Variants in LRRC7 observed in about 807,000 individuals in gnomAD.
LRRC7 encodes the protein leucine-rich repeat-containing protein 7.
Under a neutral mutation model 175.7 loss-of-function variants are expected in LRRC7, and 23 were observed. The observed-to-expected ratio is 0.13, with a 90% confidence interval of 0.09 to 0.19. The LOEUF is 0.19. Ranked by LOEUF, LRRC7 falls within the 10% of genes least tolerant of loss-of-function variation. The probability of loss-of-function intolerance (pLI) is 1.00; values close to 1 mark genes in which losing one functional copy is unlikely to be tolerated. For synonymous variants in LRRC7, 685 were observed against 680.9 expected (o/e 1.01, Z -0.09); for missense variants, 1,354 against 1,904.7 (o/e 0.71, Z 5.38).
In LRRC7 at chr1:69,865,453, C is replaced by T. The variant is rs144897914; in HGVS notation, c.647+27170C>T. On this transcript the variant is annotated intron_variant, in intron 7 of 26. Coordinates refer to ENST00000651989, the MANE Select transcript of LRRC7 (RefSeq NM_001370785.2). The stretch of plus-strand genomic sequence containing the variant: ...CCTTGAGAGCATCCGAATAAGCAAG[C>T]TGCTGAAGACAGTTCCTTTTTTTTT... Among the ~76,000 whole-genome samples, 11 of 97,702 alleles carry T rather than the reference C, an allele frequency of 1.1e-4. No homozygotes were observed. The Admixed American group carries it at 1.3e-3, about 11-fold the overall frequency. 64.1% of individuals were successfully genotyped at this position (97,702 alleles called of 152,430 possible).
At chr1:69,630,569 A>T (rs1319540219) in intron 1 of LRRC7, among the ~76,000 whole-genome samples, 2 of 152,072 alleles carry the variant, frequency 1.3e-5, no homozygotes, top group Non-Finnish European at 2.9e-5. Flanking sequence ...ATTTTCTGTC[A>T]ATCATTTTTA....
intron 26 of LRRC7, among the ~76,000 whole-genome samples, chr1:70,115,520 T>C (rs1665794827): frequency 6.6e-6 from 1 of 152,210 alleles, no homozygotes. Flanking sequence ...CAATACTGAT[T>C]TCTCTGGAGC....
At chr1:69,676,253 A>C (rs1659758959) in intron 1 of LRRC7, among the ~76,000 whole-genome samples, 1 of 152,082 alleles carries the variant, frequency 6.6e-6, no homozygotes, top group South Asian at 2.1e-4. Flanking sequence ...CACAAGGAAC[A>C]TAATCCTCTC....
chr1:69,993,629 T>C (rs1425195097), intron 10 of LRRC7, among the ~76,000 whole-genome samples: 2 of 152,198 alleles, frequency 1.3e-5, no homozygotes, highest in Non-Finnish European at 2.9e-5. Context: ...TAAAGAAAGC[T>C]ATTTAATTTT....
intron 1 of LRRC7, among the ~76,000 whole-genome samples, chr1:69,672,888 G>A (rs142943892): frequency 3.9e-5 from 6 of 152,100 alleles, no homozygotes; most frequent in East Asian, 3.9e-4. Context: ...GCAGCCTGTC[G>A]GTTCCTGTGA....
At chr1:69,736,198 T>C (rs1268292393) in intron 2 of LRRC7, among the ~76,000 whole-genome samples, 1 of 152,112 alleles carries the variant, frequency 6.6e-6, no homozygotes, top group African/African-American at 2.4e-5. Flanking sequence ...ACAGAAAAAG[T>C]ATTCTGTAAT....
chr1:69,577,519 C>T (rs1408413520), intron 1 of LRRC7, among the ~76,000 whole-genome samples: 1 of 152,076 alleles, frequency 6.6e-6, no homozygotes, highest in African/African-American at 2.4e-5. Context: ...GTAGGTCTAA[C>T]GTTTAAGTCT....
chr1:69,796,282 T>G (rs1183235480), intron 4 of LRRC7, among the ~76,000 whole-genome samples: 1 of 151,804 alleles, frequency 6.6e-6, no homozygotes, highest in Non-Finnish European at 1.5e-5. Flanking sequence ...TCCATGTCCC[T>G]ACAAAGGACA....
chr1:69,840,814 T>G (rs1207855434), intron 7 of LRRC7, among the ~76,000 whole-genome samples: 1 of 152,076 alleles, frequency 6.6e-6, no homozygotes. Context: ...TACAGTGAAC[T>G]TCTGTAAATA....
At chr1:69,777,057 C>A (rs1170770035) in intron 3 of LRRC7, among the ~76,000 whole-genome samples, 2 of 152,026 alleles carry the variant, frequency 1.3e-5, no homozygotes, top group Non-Finnish European at 2.9e-5. Flanking sequence ...TAATTAAGAG[C>A]TGACTGATAA....
intron 3 of LRRC7, among the ~76,000 whole-genome samples, chr1:69,781,791 AAGGAAGG>A (rs763528182): frequency 0.028 from 600 of 21,676 alleles, 10 homozygotes; most frequent in South Asian, 0.034. Context: ...GAAAGAAAGG[AAGGAAGG>A]AAGGAAGGAA....
intron 1 of LRRC7, among the ~76,000 whole-genome samples, chr1:69,621,106 G>A (rs756447050): frequency 4.6e-5 from 7 of 150,726 alleles, no homozygotes; most frequent in East Asian, 1.9e-4. Flanking sequence ...GTGCAATGGC[G>A]CAATCTCATC....
intron 7 of LRRC7, among the ~76,000 whole-genome samples, chr1:69,845,117 GGT>G (rs1682199915): frequency 1.3e-5 from 2 of 152,014 alleles, no homozygotes; most frequent in South Asian, 4.2e-4. Flanking sequence ...TAGGATTGGT[GGT>G]GTGTGCCTGT....
rs1315121667 is a variant in LRRC7 at position 69,717,853 on chromosome 1, GGA to G, written c.100+39376_100+39377del. On this transcript the variant is annotated intron_variant, in intron 2 of 26. Transcript: ENST00000651989. ...AAGAAAGAAAGAAAAAAGAAAGAAAGGAAAGAAAGAAAGAAAGAAAGAAAGAG... is the reference window on the plus strand; with the variant it reads ...AAGAAAGAAAGAAAAAAGAAAGAAAGAAGAAAGAAAGAAAGAAAGAAAGAG... 1.8e-3 allele frequency among the ~76,000 whole-genome samples: 28 copies of G among 15,632 alleles called. 4 individuals are homozygous for G. The highest frequency in any genetic ancestry group is 0.011 in the African/African-American group (28 of 2,456). The allele number at this position is 15,632 out of a possible 152,430, so 10.3% of individuals were successfully genotyped here.
intron 4 of LRRC7, among the ~76,000 whole-genome samples, chr1:69,822,278 G>A (rs531404894): frequency 2.2e-4 from 34 of 152,270 alleles, no homozygotes; most frequent in African/African-American, 7.5e-4. Flanking sequence ...GTGGCTGGCT[G>A]TGTATGCTGG....
intron 1 of LRRC7, among the ~76,000 whole-genome samples, chr1:69,599,219 C>G (rs1035814087): frequency 1.3e-5 from 2 of 151,952 alleles, no homozygotes; most frequent in Non-Finnish European, 2.9e-5. Context: ...GAGTTTACGC[C>G]CATTTCTTTG....
At chr1:70,024,298 A>G (rs1422101574) in intron 17 of LRRC7, among the ~76,000 whole-genome samples, 4 of 150,640 alleles carry the variant, frequency 2.7e-5, no homozygotes, top group Non-Finnish European at 5.9e-5. Flanking sequence ...ATTATATTAC[A>G]TAATATATTA....
chr1:69,843,910 T>C (rs1189396322), intron 7 of LRRC7, among the ~76,000 whole-genome samples: 9 of 152,060 alleles, frequency 5.9e-5, no homozygotes. Context: ...AGAGGACATT[T>C]TTGAGACAAC....
intron 23 of LRRC7, among the ~76,000 whole-genome samples, chr1:70,055,963 C>T (rs1476048163): frequency 6.6e-6 from 1 of 152,138 alleles, no homozygotes; most frequent in Non-Finnish European, 1.5e-5. Flanking sequence ...GGTTGATACC[C>T]AAGCTTCTAA....
Sources: gnomAD v4.1 joint callset for allele counts (sites outside exome capture counted in the v4.1 genomes callset) on GRCh38, gnomAD v4.1.1 for gene constraint, MANE v1.5 for transcripts, NCBI Gene and HGNC (gene_info 2026-07-23, HGNC 2026-07-21) for gene names.